CDCA2: variants seen among roughly 807,000 people sequenced by gnomAD.
The protein encoded by CDCA2 is cell division cycle-associated protein 2.
Under a neutral mutation model 67.0 loss-of-function variants are expected in CDCA2, and 44 were observed. That is an observed-to-expected ratio of 0.66 (90% confidence interval 0.52 to 0.84). The LOEUF (loss-of-function observed/expected upper bound fraction) is 0.84. Among genes scored for constraint, CDCA2 ranks in the 40% least tolerant of loss-of-function variants. The pLI, the probability that CDCA2 is intolerant of heterozygous loss-of-function variation, is 0.00. For synonymous variants in CDCA2, 447 were observed against 418.7 expected (o/e 1.07, Z -0.82); for missense variants, 1,253 against 1,203.2 (o/e 1.04, Z -0.61).
chr8:25,468,559 G>C, intron 6 of CDCA2, 146 bp downstream of exon 6: 1 of 457,026 alleles, frequency 2.2e-6, no homozygotes, highest in Non-Finnish European at 3.9e-6. Context: ...GTGTGTGTGC[G>C]TGTGTGTGTG....
Position 25,460,573 on chromosome 8 carries a change from C to A in CDCA2, c.232+19C>A. 6.2e-7 allele frequency: 1 copy of A among 1,603,280 alleles called. No homozygotes were observed. Among genetic ancestry groups the A allele is most frequent in the Non-Finnish European group, 8.5e-7 (1 of 1,175,298 alleles). On this transcript the variant is annotated intron_variant, in intron 3 of 14. Transcript: ENST00000330560. Reference sequence around the variant, plus strand: ...TCTGCAGGTAAGAAAAGTTGTCATTCTGTTGTAATGCTTTTCAAGTTTAAA... The same window carrying A: ...TCTGCAGGTAAGAAAAGTTGTCATTATGTTGTAATGCTTTTCAAGTTTAAA...
chr8:25,471,838 G>A lies in CDCA2; in HGVS notation c.820+1858G>A, dbSNP rs573746353. On this transcript the variant is annotated intron_variant, in intron 7 of 14. Transcript: ENST00000330560. ...ACAGGCCAAAATTTTATTTAGGCAT[G>A]CCATGAGGCCGTACTCAGAAACAGT... Among the ~76,000 whole-genome samples, 4 of 152,294 alleles carry A rather than the reference G, an allele frequency of 2.6e-5. No homozygotes were observed. The South Asian group carries it at 8.3e-4, about 32-fold the overall frequency.
intron 6 of CDCA2, 139 bp downstream of exon 6, chr8:25,468,552 T>TGC (rs1803022931): frequency 4.0e-6 from 2 of 501,180 alleles, no homozygotes; most frequent in African/African-American, 2.0e-5. Flanking sequence ...TGTGTGTGTG[T>TGC]GTGTGCGTGT....
In CDCA2 at chr8:25,488,664, A is replaced by G; in HGVS notation, c.1646A>G (p.Lys549Arg). Reference protein sequence around the residue: ...RRKSQETKCTKRALPKKSQVL... With the variant: ...RRKSQETKCTRRALPKKSQVL... ...AAGTCTCAAGAAACAAAGTGTACAAAGAGAGCACTTCCTAAGAAGAGTCAG... is the reference window on the plus strand; with the variant it reads ...AAGTCTCAAGAAACAAAGTGTACAAGGAGAGCACTTCCTAAGAAGAGTCAG... Residue 549 changes from lysine (K) to arginine (R), a missense_variant, in exon 13 of 15, where the codon AAG becomes AGG. Transcript: ENST00000330560. The G allele has an allele frequency of 6.2e-7, 1 of 1,610,972 alleles. No individual in the cohort carries two copies. The highest frequency in any genetic ancestry group is 8.5e-7 in the Non-Finnish European group (1 of 1,178,994).
intron 4 of CDCA2, among the ~76,000 whole-genome samples, chr8:25,463,417 A>G (rs921025326): frequency 6.6e-6 from 1 of 152,172 alleles, no homozygotes; most frequent in Non-Finnish European, 1.5e-5. Flanking sequence ...AAAACAATGC[A>G]TTGCTCATGC....
intron 12 of CDCA2, among the ~76,000 whole-genome samples, chr8:25,487,629 G>C (rs1204147572): frequency 2.0e-5 from 3 of 152,098 alleles, no homozygotes; most frequent in African/African-American, 7.2e-5. Context: ...TGTAGTCCCA[G>C]CTACTAGGGA....
chr8:25,484,708 C>T (rs1465263322), intron 10 of CDCA2, among the ~76,000 whole-genome samples: 1 of 151,666 alleles, frequency 6.6e-6, no homozygotes, highest in African/African-American at 2.4e-5. Context: ...CCTCCCATAT[C>T]CTCCCGTCTT....
At chr8:25,501,916 T>G (rs751840452) in intron 13 of CDCA2, among the ~76,000 whole-genome samples, 1 of 152,074 alleles carries the variant, frequency 6.6e-6, no homozygotes, top group Non-Finnish European at 1.5e-5. Flanking sequence ...GTTTTGTTTT[T>G]TTGAGACGGA....
chr8:25,478,466 A>G (rs1471742409), intron 7 of CDCA2, among the ~76,000 whole-genome samples: 1 of 152,092 alleles, frequency 6.6e-6, no homozygotes, highest in Non-Finnish European at 1.5e-5. Context: ...CACTGGTTTT[A>G]AAATGTAAGT....
intron 14 of CDCA2, among the ~76,000 whole-genome samples, 161 bp from the exon 15 acceptor site, chr8:25,506,349 A>G (rs1012816369): frequency 2.0e-5 from 3 of 152,182 alleles, no homozygotes; most frequent in Non-Finnish European, 4.4e-5. Flanking sequence ...CTAAAAGAGG[A>G]GGAGGAGGAT....
intron 14 of CDCA2, 97 bp downstream of exon 14, chr8:25,503,641 A>G: frequency 5.9e-6 from 7 of 1,196,204 alleles, no homozygotes; most frequent in Non-Finnish European, 8.3e-6. Flanking sequence ...TTCACTATGT[A>G]AAGAGTACGT....
chr8:25,465,091 A>C (rs537192107), intron 4 of CDCA2, among the ~76,000 whole-genome samples: 1 of 152,114 alleles, frequency 6.6e-6, no homozygotes, highest in Non-Finnish European at 1.5e-5. Flanking sequence ...CTCCCACCTC[A>C]GCCTCCCACA....
intron 13 of CDCA2, among the ~76,000 whole-genome samples, chr8:25,495,493 C>T (rs2117538679): frequency 6.6e-6 from 1 of 152,040 alleles, no homozygotes; most frequent in South Asian, 2.1e-4. Flanking sequence ...CGGCTCACTG[C>T]AAGCTCCGCC....
At chr8:25,505,322 C>T (rs1804635206) in intron 14 of CDCA2, among the ~76,000 whole-genome samples, 2 of 152,192 alleles carry the variant, frequency 1.3e-5, no homozygotes, top group African/African-American at 4.8e-5. Context: ...CTGCTTCAGC[C>T]TCCCAGGTAG....
At chr8:25,500,660 C>T (rs1214704499) in intron 13 of CDCA2, among the ~76,000 whole-genome samples, 1 of 152,122 alleles carries the variant, frequency 6.6e-6, no homozygotes, top group Non-Finnish European at 1.5e-5. Context: ...GTGTGTGCCA[C>T]CATGCCTGGC....
At chr8:25,484,663 C>T (rs984854076) in intron 10 of CDCA2, among the ~76,000 whole-genome samples, 1 of 148,582 alleles carries the variant, frequency 6.7e-6, no homozygotes, top group African/African-American at 2.5e-5. Flanking sequence ...GCGGTCATGG[C>T]TCACTGCAGC....
At chr8:25,483,906 CT>C in intron 9 of CDCA2, 59 bp from the exon 10 acceptor site, 2 of 1,447,832 alleles carry the variant, frequency 1.4e-6, no homozygotes, top group Non-Finnish European at 1.9e-6. Context: ...TAGTATATGC[CT>C]TTTAGATAAG....
intron 6 of CDCA2, 94 bp downstream of exon 6, chr8:25,468,507 C>G: frequency 1.1e-6 from 1 of 906,868 alleles, no homozygotes; most frequent in Non-Finnish European, 1.7e-6. Flanking sequence ...AATTTTAGTA[C>G]CTTGTTCTGC....
rs781399967 is a variant in CDCA2 at position 25,507,232 on chromosome 8, G to A, written c.2566G>A (p.Val856Met). 34 of 1,614,064 alleles carry A rather than the reference G, an allele frequency of 2.1e-5. No homozygotes were observed. The highest frequency in any genetic ancestry group is 6.8e-6 in the Non-Finnish European group (8 of 1,180,048). ...KNGNHTPSSS[V>M]GSSVEISLEN... is the part of the protein sequence containing the mutation. ...TGGAAATCACACACCATCCTCCAGT[G>A]TGGGCAGCTCTGTAGAAATTAGTTT... The change falls in exon 15 of 15, where the codon GTG becomes ATG. Residue 856 changes from valine to methionine, a missense_variant. Coordinates refer to ENST00000330560, the MANE Select transcript of CDCA2 (RefSeq NM_152562.4).
Sources: allele counts gnomAD v4.1 joint callset (sites outside exome capture counted in the v4.1 genomes callset), GRCh38; gene constraint gnomAD v4.1.1; transcripts MANE v1.5; gene names NCBI Gene and HGNC (gene_info 2026-07-23, HGNC 2026-07-21).